The following TPBG variants were observed in gnomAD, a reference collection of about 807,000 sequenced individuals.
The protein encoded by TPBG is 5T4 oncofetal antigen.
Under a neutral mutation model 19.3 loss-of-function variants are expected in TPBG, and 13 were observed. That is an observed-to-expected ratio of 0.67 (90% CI 0.44 to 1.07). The LOEUF (loss-of-function observed/expected upper bound fraction) is 1.07, where lower values mean the gene tolerates loss of function less well. Among genes scored for constraint, TPBG ranks in the 50% least tolerant of loss-of-function variants. The pLI, the probability that TPBG is intolerant of heterozygous loss-of-function variation, is 0.00. For synonymous variants in TPBG, 338 were observed against 259.8 expected, an observed-to-expected ratio of 1.30 and a Z score of -2.89; for missense variants, 642 against 559.6, an observed-to-expected ratio of 1.15 and a Z score of -1.49.
chr6:82,364,688 G>C lies in TPBG; in HGVS notation c.-274G>C, dbSNP rs1358937815. On this transcript the variant is annotated 5_prime_UTR_variant, in exon 2 of 2. Coordinates refer to ENST00000369750, the MANE Select transcript of TPBG (RefSeq NM_001376922.1). ...AAGAGGTGGCACCAGGGCGGCGGCA[G>C]GAAGAGGAGCGGGAGCAGGAGCGCG... The C allele has an allele frequency of 2.5e-6, 1 of 407,208 alleles. No homozygotes were observed. Among genetic ancestry groups the C allele is most frequent in the African/African-American group, 2.1e-5 (1 of 47,924 alleles). The allele number at this position is 407,208 out of a possible 1,614,324, so 25.2% of individuals were successfully genotyped here.
intron 1 of TPBG, among the ~76,000 whole-genome samples, 152 bp downstream of exon 1, chr6:82,364,060 G>A (rs763054723): frequency 2.6e-4 from 39 of 152,218 alleles, no homozygotes; most frequent in Non-Finnish European, 4.3e-4. Flanking sequence ...CTCCTCTTTG[G>A]AGATGACTTG....
rs1767528700 is a variant in TPBG, at chr6:82,367,198, A to T, written c.*974A>T. On this transcript the variant is annotated 3_prime_UTR_variant, in exon 2 of 2. Coordinates refer to ENST00000369750, the MANE Select transcript of TPBG (RefSeq NM_001376922.1). ...AACATAATGAAGTTGGTAAAAGCTA[A>T]GCGTTCTGCACAATAAACAGTTCCC... 1 of 167,108 alleles carries T rather than the reference A, an allele frequency of 6.0e-6. No individual in the cohort carries two copies. Among genetic ancestry groups the T allele is most frequent in the South Asian group, 2.1e-4 (1 of 4,834 alleles). 10.4% of individuals were successfully genotyped at this position (167,108 alleles called of 1,614,324 possible). A position where few individuals can be genotyped will look rare whatever the true frequency, so the allele number is the denominator to read the frequency against.
Position 82,365,573 on chromosome 6 carries a change from G to A in TPBG, c.612G>A (p.Leu204=). The change falls in exon 2 of 2, where the codon CTG becomes CTA. Residue 204 remains leucine (L), a synonymous_variant. Coordinates refer to ENST00000369750, the MANE Select transcript of TPBG (RefSeq NM_001376922.1). The part of the protein sequence containing the change: ...SFEGMVVAAL[L]AGRALQGLRR... ...AGGGCATGGTGGTGGCGGCCCTGCT[G>A]GCGGGCCGTGCACTGCAGGGGCTCC... The A allele has an allele frequency of 6.3e-7, 1 of 1,581,042 alleles. No homozygotes were observed. Among genetic ancestry groups the A allele is most frequent in the Non-Finnish European group, 8.6e-7 (1 of 1,165,232 alleles).
In TPBG at chr6:82,365,528, G is replaced by C; in HGVS notation, c.567G>C (p.Glu189Asp). ...ILNHIVPPED[E>D]RQNRSFEGMV... is the part of the protein sequence containing the mutation. Reference sequence around the variant, plus strand: ...ACCACATCGTGCCCCCTGAAGATGAGCGGCAGAACCGGAGCTTCGAGGGCA... The same window carrying C: ...ACCACATCGTGCCCCCTGAAGATGACCGGCAGAACCGGAGCTTCGAGGGCA... The change falls in exon 2 of 2, where the codon GAG becomes GAC. Residue 189 changes from glutamate (E) to aspartate (D), a missense_variant. Physicochemically the swap from Glu to Asp is conservative, Grantham distance 45 (BLOSUM62 2). Coordinates refer to ENST00000369750, the MANE Select transcript of TPBG (RefSeq NM_001376922.1). 6.3e-7 allele frequency: 1 copy of C among 1,577,016 alleles called. No individual in the cohort carries two copies. The highest frequency in any genetic ancestry group is 2.2e-5 in the East Asian group (1 of 44,640).
In TPBG at chr6:82,365,917, A is replaced by G. The variant is rs1380564570; in HGVS notation, c.956A>G (p.Asp319Gly). 2 of 1,614,030 alleles carry G rather than the reference A, an allele frequency of 1.2e-6. No individual in the cohort carries two copies. Among genetic ancestry groups the G allele is most frequent in the African/African-American group, 1.3e-5 (1 of 74,916 alleles). The change falls in exon 2 of 2, where the codon GAC (aspartate) becomes GGC (glycine). Residue 319 changes from aspartate to glycine, a missense_variant. Physicochemically the swap from Asp to Gly is moderately conservative, Grantham distance 94. Coordinates refer to ENST00000369750, the MANE Select transcript of TPBG (RefSeq NM_001376922.1). ...LKETEVVQGK[D>G]RLTCAYPEKM... Reference sequence around the variant, plus strand: ...GAAACAGAGGTAGTGCAGGGCAAAGACCGGCTCACCTGTGCATATCCGGAA... The same window carrying G: ...GAAACAGAGGTAGTGCAGGGCAAAGGCCGGCTCACCTGTGCATATCCGGAA...
In TPBG at chr6:82,365,515, C is replaced by T; in HGVS notation, c.554C>T (p.Pro185Leu). ...GAACTGATCCTGAACCACATCGTGC[C>T]CCCTGAAGATGAGCGGCAGAACCGG... ...LVELILNHIV[P>L]PEDERQNRSF... is the part of the protein sequence containing the mutation. Residue 185 changes from proline (P) to leucine (L), a missense_variant, in exon 2 of 2, where the codon CCC (proline) becomes CTC (leucine). Coordinates refer to ENST00000369750, the MANE Select transcript of TPBG (RefSeq NM_001376922.1). The T allele has an allele frequency of 1.3e-6, 2 of 1,580,674 alleles. No individual in the cohort carries two copies. Among genetic ancestry groups the T allele is most frequent in the Non-Finnish European group, 1.7e-6 (2 of 1,166,528 alleles).
At chr6:82,363,569 C>G (rs919430477), upstream of TPBG, 5 of 152,382 alleles carry the variant, frequency 3.3e-5, no homozygotes, top group African/African-American at 9.6e-5. Flanking sequence ...TGAGGAACCA[C>G]CCAAGGATGT....
rs1488975616 is a variant in TPBG, at chr6:82,366,271, C to T, written c.*47C>T. On this transcript the variant is annotated 3_prime_UTR_variant, in exon 2 of 2. Transcript: ENST00000369750. The stretch of plus-strand genomic sequence containing the variant: ...AGGACAACTCTGCATGAGATGTAGA[C>T]TTAAGCTTTATCCCTACTAGGCTTG... 1.3e-6 allele frequency: 2 copies of T among 1,527,760 alleles called. No individual in the cohort carries two copies. The highest frequency in any genetic ancestry group is 2.3e-5 in the East Asian group (1 of 44,242). 94.6% of individuals were successfully genotyped at this position (1,527,760 alleles called of 1,614,324 possible). A position where few individuals can be genotyped will look rare whatever the true frequency, so the allele number is the denominator to read the frequency against.
chr6:82,365,246 C>A lies in TPBG; in HGVS notation c.285C>A (p.Asn95Lys). The change falls in exon 2 of 2, where the codon AAC becomes AAA. Residue 95 changes from asparagine (N) to lysine (K), a missense_variant. Physicochemically the swap from Asn to Lys is moderately conservative, Grantham distance 94. Coordinates refer to ENST00000369750, the MANE Select transcript of TPBG (RefSeq NM_001376922.1). The stretch of plus-strand genomic sequence containing the variant: ...CGGACCTGCCCGCCTACGTGCGCAA[C>A]CTCTTCCTTACCGGCAACCAGCTGG... ...VPTDLPAYVR[N>K]LFLTGNQLAV... is the part of the protein sequence containing the mutation. The A allele has an allele frequency of 6.3e-7, 1 of 1,587,762 alleles. No homozygotes were observed.
In TPBG at chr6:82,364,838, G is replaced by A; in HGVS notation, c.-124G>A. ...TTCCGGCTGCGGCGCCACTCCCTCG[G>A]TTCCACGAGAGGAAAGTTTTTTTTT... On this transcript the variant is annotated 5_prime_UTR_variant, in exon 2 of 2. Transcript: ENST00000369750. 3 of 885,264 alleles carry A rather than the reference G, an allele frequency of 3.4e-6. No homozygotes were observed. The highest frequency in any genetic ancestry group is 4.7e-6 in the Non-Finnish European group (3 of 635,282). 54.8% of individuals were successfully genotyped at this position (885,264 alleles called of 1,614,324 possible).
In TPBG at chr6:82,365,661, C is replaced by T; in HGVS notation, c.700C>T (p.Pro234Ser). ...GCCGCGGGATGTGCTGGCCCAACTG[C>T]CCAGCCTCAGGCACCTGGACTTAAG... ...YLPRDVLAQLPSLRHLDLSNN... is the reference protein window; with the variant it reads ...YLPRDVLAQLSSLRHLDLSNN... The change falls in exon 2 of 2, where the codon CCC becomes TCC. Residue 234 changes from proline to serine, a missense_variant. Transcript: ENST00000369750. The T allele has an allele frequency of 6.2e-7, 1 of 1,603,758 alleles. No individual in the cohort carries two copies. Among genetic ancestry groups the T allele is most frequent in the Non-Finnish European group, 8.5e-7 (1 of 1,174,754 alleles).
Position 82,366,364 on chromosome 6 carries a change from C to A in TPBG, c.*140C>A. 2 of 986,802 alleles carry A rather than the reference C, an allele frequency of 2.0e-6. No individual in the cohort carries two copies. Among genetic ancestry groups the A allele is most frequent in the East Asian group, 2.7e-5 (1 of 37,312 alleles). 61.1% of individuals were successfully genotyped at this position (986,802 alleles called of 1,614,324 possible). ...AAAAGCAGTGAAGGGGATTTGCTTC[C>A]TTGTTATGTAAAGTTTCTCGGTGTG... On this transcript the variant is annotated 3_prime_UTR_variant, in exon 2 of 2. Transcript: ENST00000369750.
At position 82,364,742 on chromosome 6, in the gene TPBG, ACT is replaced by A. The variant is rs1481140328; in HGVS notation, c.-219_-218del. On this transcript the variant is annotated 5_prime_UTR_variant, in exon 2 of 2. Transcript: ENST00000369750. ...CGGAGCGTCCCGACCCGCCGTGCGTACTTTCTGGAGGGAAGGGGCGGGGGAAT... is the reference window on the plus strand; with the variant it reads ...CGGAGCGTCCCGACCCGCCGTGCGTATTCTGGAGGGAAGGGGCGGGGGAAT... 1 of 455,726 alleles carries A rather than the reference ACT, an allele frequency of 2.2e-6. No homozygotes were observed. The highest frequency in any genetic ancestry group is 2.1e-5 in the African/African-American group (1 of 48,546). 28.2% of individuals were successfully genotyped at this position (455,726 alleles called of 1,614,324 possible).
At position 82,365,270 on chromosome 6, in the gene TPBG, G is replaced by A. The variant is rs1340600363; in HGVS notation, c.309G>A (p.Leu103=). The A allele has an allele frequency of 2.5e-6, 4 of 1,574,976 alleles. No homozygotes were observed. The highest frequency in any genetic ancestry group is 2.8e-5 in the African/African-American group (2 of 71,628). The part of the protein sequence containing the change: ...VRNLFLTGNQ[L]AVLPAGAFAR... ...ACCTCTTCCTTACCGGCAACCAGCTGGCCGTGCTCCCTGCCGGCGCCTTCG... is the reference window on the plus strand; with the variant it reads ...ACCTCTTCCTTACCGGCAACCAGCTAGCCGTGCTCCCTGCCGGCGCCTTCG... Residue 103 remains leucine, a synonymous_variant, in exon 2 of 2, where the codon CTG becomes CTA. Coordinates refer to ENST00000369750, the MANE Select transcript of TPBG (RefSeq NM_001376922.1).
In TPBG at chr6:82,365,026, C is replaced by G. The variant is rs1235992964; in HGVS notation, c.65C>G (p.Ala22Gly). Residue 22 changes from alanine (A) to glycine (G), a missense_variant, in exon 2 of 2, where the codon GCG (alanine) becomes GGG (glycine). By Grantham distance (60) the Ala-to-Gly change is moderately conservative. Coordinates refer to ENST00000369750, the MANE Select transcript of TPBG (RefSeq NM_001376922.1). ...GGGCGTCTGCGGCTGGCGCGACTAGCGCTGGTACTCCTGGGCTGGGTCTCC... is the reference window on the plus strand; with the variant it reads ...GGGCGTCTGCGGCTGGCGCGACTAGGGCTGGTACTCCTGGGCTGGGTCTCC... ...GDGRLRLARL[A>G]LVLLGWVSSS... 7 of 1,542,328 alleles carry G rather than the reference C, an allele frequency of 4.5e-6. No individual in the cohort carries two copies. Among genetic ancestry groups the G allele is most frequent in the South Asian group, 1.2e-5 (1 of 83,070 alleles).
At position 82,364,934 on chromosome 6, in the gene TPBG, G is replaced by A; in HGVS notation, c.-28G>A. 5 of 1,442,798 alleles carry A rather than the reference G, an allele frequency of 3.5e-6. No homozygotes were observed. Among genetic ancestry groups the A allele is most frequent in the Non-Finnish European group, 4.5e-6 (5 of 1,102,742 alleles). 89.4% of individuals were successfully genotyped at this position (1,442,798 alleles called of 1,614,324 possible). A position where few individuals can be genotyped will look rare whatever the true frequency, so the allele number is the denominator to read the frequency against. Reference sequence around the variant, plus strand: ...AGCCTTCGGAGCGGGCGCCGTCCCAGCCCAGCTCCGGGGAAACGCGAGCCG... The same window carrying A: ...AGCCTTCGGAGCGGGCGCCGTCCCAACCCAGCTCCGGGGAAACGCGAGCCG... On this transcript the variant is annotated 5_prime_UTR_variant, in exon 2 of 2. Transcript: ENST00000369750.
At position 82,365,884 on chromosome 6, in the gene TPBG, G is replaced by A. The variant is rs753474637; in HGVS notation, c.923G>A (p.Trp308Ter). ...CDCHMADMVT[W>*]LKETEVVQGK... ...TGCCACATGGCAGACATGGTGACCT[G>A]GCTCAAGGAAACAGAGGTAGTGCAG... Residue 308 changes from tryptophan to a stop codon, truncating the protein, a stop_gained, in exon 2 of 2, where the codon TGG (tryptophan) becomes TAG (stop). Coordinates refer to ENST00000369750, the MANE Select transcript of TPBG (RefSeq NM_001376922.1). LOFTEE classifies it high-confidence loss of function. 1 of 1,614,200 alleles carries A rather than the reference G, an allele frequency of 6.2e-7. No individual in the cohort carries two copies. Among genetic ancestry groups the A allele is most frequent in the Non-Finnish European group, 8.5e-7 (1 of 1,180,048 alleles).
In TPBG at chr6:82,364,842, C is replaced by T; in HGVS notation, c.-120C>T. 1.1e-6 allele frequency: 1 copy of T among 920,542 alleles called. No individual in the cohort carries two copies. The highest frequency in any genetic ancestry group is 1.5e-6 in the Non-Finnish European group (1 of 665,848). The allele number at this position is 920,542 out of a possible 1,614,324, so 57.0% of individuals were successfully genotyped here. A position where few individuals can be genotyped will look rare whatever the true frequency, so the allele number is the denominator to read the frequency against. On this transcript the variant is annotated 5_prime_UTR_variant, in exon 2 of 2. Transcript: ENST00000369750. ...GGCTGCGGCGCCACTCCCTCGGTTCCACGAGAGGAAAGTTTTTTTTTTCCA... is the reference window on the plus strand; with the variant it reads ...GGCTGCGGCGCCACTCCCTCGGTTCTACGAGAGGAAAGTTTTTTTTTTCCA...
rs1436356251 is a variant in TPBG, at chr6:82,366,412, A to AC, written c.*189dup. Reference sequence around the variant, plus strand: ...GTGTTCTGTTAATGTAAGACGATGAACAGTTGTGTATAGTGTTTTACCCTC... The same window carrying AC: ...GTGTTCTGTTAATGTAAGACGATGAACCAGTTGTGTATAGTGTTTTACCCTC... On this transcript the variant is annotated 3_prime_UTR_variant, in exon 2 of 2. Transcript: ENST00000369750. 5 of 648,934 alleles carry AC rather than the reference A, an allele frequency of 7.7e-6. No individual in the cohort carries two copies. The Admixed American group carries it at 1.7e-4, about 22-fold the overall frequency. 40.2% of individuals were successfully genotyped at this position (648,934 alleles called of 1,614,324 possible). A position where few individuals can be genotyped will look rare whatever the true frequency, so the allele number is the denominator to read the frequency against.
Sources: gnomAD v4.1 joint callset for allele counts (sites outside exome capture counted in the v4.1 genomes callset) on GRCh38, gnomAD v4.1.1 for gene constraint, MANE v1.5 for transcripts, NCBI Gene and HGNC (gene_info 2026-07-23, HGNC 2026-07-21) for gene names.